TMEM71: variants seen among roughly 807,000 people sequenced by gnomAD.
The protein encoded by TMEM71 is transmembrane protein 71.
TMEM71 carries 44 observed loss-of-function variants against 38.0 expected under a neutral mutation model. The observed-to-expected ratio is 1.16, with a 90% CI of 0.91 to 1.49. TMEM71 has a LOEUF of 1.49. Ranked by LOEUF, TMEM71 falls within the 40% of genes most tolerant of loss-of-function variation. TMEM71 has a pLI of 0.00. For missense variants in TMEM71, 367 were observed against 348.6 expected (o/e 1.05, Z -0.42); for synonymous variants, 133 against 122.5 (o/e 1.09, Z -0.56).
chr8:132,741,102 C>T (rs1234293430), intron 5 of TMEM71, among the ~76,000 whole-genome samples: 5 of 152,180 alleles, frequency 3.3e-5, no homozygotes, highest in Admixed American at 3.3e-4. Flanking sequence ...CAGTGGCTCA[C>T]ACCTGTAATC....
At chr8:132,772,068 T>C in the TMEM71 span, among the ~76,000 whole-genome samples, 1 of 152,240 alleles carries the variant, frequency 6.6e-6, no homozygotes, top group Non-Finnish European at 1.5e-5. Flanking sequence ...CTGCTTTGAT[T>C]TTCTTTACTA....
chr8:132,725,443 A>G (rs1352387144), intron 6 of TMEM71, among the ~76,000 whole-genome samples: 1 of 152,212 alleles, frequency 6.6e-6, no homozygotes, highest in Non-Finnish European at 1.5e-5. Context: ...AAAGACAGAG[A>G]ATGCCAGGAT....
At chr8:132,734,327 T>C (rs771752466) in intron 5 of TMEM71, among the ~76,000 whole-genome samples, 6 of 152,112 alleles carry the variant, frequency 3.9e-5, no homozygotes, top group Non-Finnish European at 5.9e-5. Flanking sequence ...GTTCTCTGTA[T>C]AGCAATTACA....
intron 7 of TMEM71, among the ~76,000 whole-genome samples, chr8:132,719,582 T>C (rs1298771391): frequency 1.3e-5 from 2 of 152,244 alleles, no homozygotes; most frequent in African/African-American, 2.4e-5. Context: ...TCAACCTGTA[T>C]GTGCAAACAT....
intron 4 of TMEM71, among the ~76,000 whole-genome samples, chr8:132,749,693 C>T (rs550017254): frequency 7.9e-4 from 120 of 152,274 alleles, no homozygotes; most frequent in African/African-American, 2.8e-3. Context: ...TAAGCTAGAA[C>T]ACTCATGCTG....
intron 5 of TMEM71, among the ~76,000 whole-genome samples, chr8:132,742,381 CA>C (rs1282096911): frequency 6.6e-6 from 1 of 152,110 alleles, no homozygotes; most frequent in Non-Finnish European, 1.5e-5. Context: ...TCTAGAAAAA[CA>C]AACCAAAACA....
At chr8:132,711,088 A>C (rs1826209035) in intron 9 of TMEM71, 106 bp from the exon 10 acceptor site, 1 of 995,390 alleles carries the variant, frequency 1.0e-6, no homozygotes, top group Non-Finnish European at 1.5e-6. Context: ...GCACACACCC[A>C]CACCCATACC....
chr8:132,732,330 G>A (rs1054009101), intron 5 of TMEM71, among the ~76,000 whole-genome samples: 1 of 152,108 alleles, frequency 6.6e-6, no homozygotes, highest in Non-Finnish European at 1.5e-5. Context: ...AGCAGGAAGA[G>A]GACAGGCCAG....
At chr8:132,722,766 T>G (rs1826926730) in intron 6 of TMEM71, among the ~76,000 whole-genome samples, 1 of 152,202 alleles carries the variant, frequency 6.6e-6, no homozygotes, top group Non-Finnish European at 1.5e-5. Context: ...TATTATGAAA[T>G]ATTTGTCTTT....
the TMEM71 span, among the ~76,000 whole-genome samples, chr8:132,771,844 A>G: frequency 1.3e-5 from 2 of 152,212 alleles, no homozygotes; most frequent in Middle Eastern, 3.4e-3. Flanking sequence ...TAGAGCTCCT[A>G]TTGCCAGGGA....
At chr8:132,772,551 A>G in the TMEM71 span, among the ~76,000 whole-genome samples, 1 of 152,186 alleles carries the variant, frequency 6.6e-6, no homozygotes, top group African/African-American at 2.4e-5. Context: ...AGAGGAAATG[A>G]CATCCTACCT....
intron 5 of TMEM71, among the ~76,000 whole-genome samples, chr8:132,737,057 G>A (rs192963175): frequency 2.0e-4 from 31 of 152,226 alleles, no homozygotes; most frequent in African/African-American, 6.7e-4. Context: ...GCAAATCCAC[G>A]GAGACTGAAA....
upstream of TMEM71, among the ~76,000 whole-genome samples, chr8:132,761,864 G>T (rs572199430): frequency 6.6e-6 from 1 of 152,304 alleles, no homozygotes; most frequent in South Asian, 2.1e-4. Flanking sequence ...GCCAGTAAGG[G>T]TCTGATGCTC....
At chr8:132,755,676 G>A (rs531501433) in intron 3 of TMEM71, among the ~76,000 whole-genome samples, 45 of 152,274 alleles carry the variant, frequency 3.0e-4, no homozygotes, top group Admixed American at 1.4e-3. Context: ...TCTGCCAAAT[G>A]CTCTACTGAA....
At chr8:132,741,894 G>A (rs1212952721) in intron 5 of TMEM71, among the ~76,000 whole-genome samples, 6 of 152,166 alleles carry the variant, frequency 3.9e-5, no homozygotes, top group South Asian at 2.1e-4. Flanking sequence ...TCCCTTTCCC[G>A]GTCTGCTATG....
At chr8:132,762,412 C>T (rs953507926), upstream of TMEM71, among the ~76,000 whole-genome samples, 1 of 152,052 alleles carries the variant, frequency 6.6e-6, no homozygotes, top group African/African-American at 2.4e-5. Flanking sequence ...TATTCGAGAC[C>T]CTCTGCTCTT....
chr8:132,734,863 T>C (rs1480625621), intron 5 of TMEM71, among the ~76,000 whole-genome samples: 1 of 152,248 alleles, frequency 6.6e-6, no homozygotes. Context: ...TGATGTACTT[T>C]ACCTCTGTTG....
the TMEM71 span, among the ~76,000 whole-genome samples, chr8:132,770,125 C>A: frequency 6.6e-6 from 1 of 152,298 alleles, no homozygotes; most frequent in Non-Finnish European, 1.5e-5. Context: ...AATCAAACAC[C>A]TACAGATTAG....
chr8:132,714,532 A>G (rs1288429304), intron 7 of TMEM71, among the ~76,000 whole-genome samples: 15 of 152,208 alleles, frequency 9.9e-5, no homozygotes, highest in Non-Finnish European at 1.5e-5. Context: ...CTCCACATGT[A>G]TAACATACCT....
Sources: allele counts gnomAD v4.1 joint callset (sites outside exome capture counted in the v4.1 genomes callset), GRCh38; gene constraint gnomAD v4.1.1; transcripts MANE v1.5; gene names NCBI Gene and HGNC (gene_info 2026-07-23, HGNC 2026-07-21).